WDR49: variants seen among roughly 807,000 people sequenced by gnomAD.
WDR49 encodes the protein WD repeat domain 49.
WDR49 carries 107 observed loss-of-function variants against 119.5 expected under a neutral mutation model. The ratio of observed to expected loss-of-function variants is 0.90; its 90% confidence interval spans 0.77 to 1.05. The LOEUF (loss-of-function observed/expected upper bound fraction) is 1.05. Among genes scored for constraint, WDR49 ranks in the 50% least tolerant of loss-of-function variants. WDR49 has a pLI of 0.00. For synonymous variants in WDR49, 425 were observed against 418.8 expected, an observed-to-expected ratio of 1.01 and a Z score of -0.18; for missense variants, 1,240 against 1,220.5, an observed-to-expected ratio of 1.02 and a Z score of -0.24.
intron 10 of WDR49, among the ~76,000 whole-genome samples, chr3:167,550,629 T>G (rs1165511659): frequency 1.3e-5 from 2 of 151,948 alleles, no homozygotes; most frequent in African/African-American, 2.4e-5. Context: ...TATACAAATA[T>G]CAAGACATCA....
chr3:167,571,123 C>A (rs1006626994), intron 8 of WDR49, among the ~76,000 whole-genome samples: 2 of 151,970 alleles, frequency 1.3e-5, no homozygotes, highest in Non-Finnish European at 2.9e-5. Flanking sequence ...CTGGACCAGC[C>A]CCCATTTTTA....
chr3:167,598,021 G>T (rs1198579724), intron 7 of WDR49, among the ~76,000 whole-genome samples: 2 of 152,000 alleles, frequency 1.3e-5, no homozygotes, highest in African/African-American at 2.4e-5. Flanking sequence ...ATGTGAGAAG[G>T]TTGGGCTGGG....
intron 5 of WDR49, among the ~76,000 whole-genome samples, chr3:167,615,553 A>T (rs544194897): frequency 6.6e-6 from 1 of 152,120 alleles, no homozygotes; most frequent in East Asian, 1.9e-4. Flanking sequence ...TCACCCAATA[A>T]TTTATCTAAG....
chr3:167,652,742 G>A (rs186923324), intron 2 of WDR49, among the ~76,000 whole-genome samples: 18 of 152,212 alleles, frequency 1.2e-4, no homozygotes, highest in Admixed American at 7.9e-4. Context: ...TGGGAGACTC[G>A]TCCCTCATAA....
intron 3 of WDR49, among the ~76,000 whole-genome samples, chr3:167,626,016 C>T (rs958130668): frequency 3.3e-5 from 5 of 151,648 alleles, no homozygotes; most frequent in African/African-American, 9.7e-5. Context: ...TTCAGATCTT[C>T]GTTGAAACAA....
chr3:167,533,768 G>T (rs1036710307), intron 11 of WDR49, among the ~76,000 whole-genome samples: 2 of 152,030 alleles, frequency 1.3e-5, no homozygotes, highest in Non-Finnish European at 2.9e-5. Flanking sequence ...AAGCAGCAAC[G>T]CCCAGACCAT....
At chr3:167,619,779 A>T (rs1452909163) in intron 5 of WDR49, among the ~76,000 whole-genome samples, 2 of 152,202 alleles carry the variant, frequency 1.3e-5, no homozygotes, top group East Asian at 3.9e-4. Flanking sequence ...AAGAAATATT[A>T]GTGCAGATAT....
intron 5 of WDR49, among the ~76,000 whole-genome samples, chr3:167,609,943 C>A (rs371541239): frequency 6.6e-6 from 1 of 152,128 alleles, no homozygotes; most frequent in East Asian, 1.9e-4. Context: ...CAACCTGGGC[C>A]GGAAGGGAAC....
intron 7 of WDR49, among the ~76,000 whole-genome samples, chr3:167,596,519 A>G (rs1206246272): frequency 1.3e-5 from 2 of 151,224 alleles, no homozygotes; most frequent in African/African-American, 4.9e-5. Context: ...GCATATATAC[A>G]CCATGGAATA....
At chr3:167,521,929 A>G (rs1752453299) in intron 16 of WDR49, among the ~76,000 whole-genome samples, 1 of 152,012 alleles carries the variant, frequency 6.6e-6, no homozygotes, top group Non-Finnish European at 1.5e-5. Flanking sequence ...TGTGCACTTT[A>G]TCAAAACCAG....
At chr3:167,574,696 C>T (rs912422455) in intron 8 of WDR49, among the ~76,000 whole-genome samples, 2 of 152,124 alleles carry the variant, frequency 1.3e-5, no homozygotes, top group Non-Finnish European at 1.5e-5. Flanking sequence ...TCCTGAATTT[C>T]TCAGGGAATA....
rs575853855 is a variant in WDR49, at chr3:167,556,018, T to C, written c.1675-1220A>G. ...TGGTAAGTATTTGCGTATCTAAACA[T>C]AGAAAAGGTACAGTAGAAATATAGC... On this transcript the variant is annotated intron_variant, in intron 9 of 18. Coordinates refer to ENST00000682715, the MANE Select transcript of WDR49 (RefSeq NM_001366157.1). 7.2e-5 allele frequency among the ~76,000 whole-genome samples: 11 copies of C among 152,240 alleles called. No homozygotes were observed. The South Asian group carries it at 1.2e-3, about 17-fold the overall frequency.
At chr3:167,601,389 C>A (rs1255076803) in intron 7 of WDR49, among the ~76,000 whole-genome samples, 1 of 152,164 alleles carries the variant, frequency 6.6e-6, no homozygotes, top group African/African-American at 2.4e-5. Flanking sequence ...CACTCAAAGA[C>A]TATCTTCAAT....
chr3:167,482,282 G>T (rs1447639240), intron 18 of WDR49, among the ~76,000 whole-genome samples: 2 of 152,066 alleles, frequency 1.3e-5, no homozygotes, highest in African/African-American at 4.8e-5. Flanking sequence ...ATACATTCAA[G>T]TTGTCCTTCA....
At chr3:167,565,412 C>CACACAT (rs144511770) in intron 8 of WDR49, among the ~76,000 whole-genome samples, 3,517 of 146,932 alleles carry the variant, frequency 0.024, 155 homozygotes, top group Admixed American at 0.059. Context: ...CACACACACA[C>CACACAT]TTATATGTAA....
intron 11 of WDR49, among the ~76,000 whole-genome samples, chr3:167,534,230 A>G (rs771110865): frequency 2.0e-5 from 3 of 152,184 alleles, no homozygotes; most frequent in South Asian, 2.1e-4. Flanking sequence ...ACAATCTCTG[A>G]AGCTCACAAA....
intron 14 of WDR49, 42 bp from the exon 15 acceptor site, chr3:167,528,059 T>A: frequency 4.5e-6 from 7 of 1,541,562 alleles, no homozygotes; most frequent in Non-Finnish European, 6.2e-6. Context: ...AATTCAAATA[T>A]GAAATGATTA....
intron 2 of WDR49, among the ~76,000 whole-genome samples, chr3:167,635,317 G>A (rs964485148): frequency 2.0e-5 from 3 of 151,684 alleles, no homozygotes; most frequent in African/African-American, 7.3e-5. Context: ...GAGGTTGCCT[G>A]TACTCAAGAC....
At chr3:167,490,147 C>T (rs546191501) in intron 18 of WDR49, among the ~76,000 whole-genome samples, 8 of 152,042 alleles carry the variant, frequency 5.3e-5, no homozygotes, top group Admixed American at 2.0e-4. Context: ...AACAAAGCAA[C>T]GGGTTGGTGA....
Sources: allele counts gnomAD v4.1 joint callset (sites outside exome capture counted in the v4.1 genomes callset), GRCh38; gene constraint gnomAD v4.1.1; transcripts MANE v1.5; gene names NCBI Gene and HGNC (gene_info 2026-07-23, HGNC 2026-07-21).